The following KCNH5 variants were observed in gnomAD, a reference collection of about 807,000 sequenced individuals.
The protein encoded by KCNH5 is voltage-gated delayed rectifier potassium channel KCNH5.
KCNH5 carries 46 observed loss-of-function variants against 96.1 expected under a neutral mutation model. That is an observed-to-expected ratio of 0.48 (90% confidence interval 0.38 to 0.61). The LOEUF (loss-of-function observed/expected upper bound fraction) is 0.61, where lower values mean the gene tolerates loss of function less well. KCNH5 is among the 20% of genes least tolerant of loss of function. The pLI is 0.00. For missense variants in KCNH5, 907 were observed against 1,225.8 expected, an observed-to-expected ratio of 0.74 and a Z score of 3.88; for synonymous variants, 439 against 449.8, an observed-to-expected ratio of 0.98 and a Z score of 0.30.
intron 9 of KCNH5, among the ~76,000 whole-genome samples, chr14:62,791,218 T>C (rs1464248203): frequency 6.6e-6 from 1 of 151,718 alleles, no homozygotes; most frequent in African/African-American, 2.4e-5. Flanking sequence ...TGGAAGTAAA[T>C]ACACAGTCAA....
intron 7 of KCNH5, among the ~76,000 whole-genome samples, chr14:62,882,421 A>C (rs1888512586): frequency 6.6e-6 from 1 of 152,192 alleles, no homozygotes; most frequent in Non-Finnish European, 1.5e-5. Flanking sequence ...CAAGACATGC[A>C]CAACCATGGG....
chr14:63,037,142 A>T (rs1891736175), intron 1 of KCNH5, among the ~76,000 whole-genome samples: 2 of 152,182 alleles, frequency 1.3e-5, no homozygotes, highest in Admixed American at 1.3e-4. Context: ...CCGTACTTAC[A>T]TGTACTGCCT....
chr14:62,960,176 T>C (rs541311174), intron 6 of KCNH5, among the ~76,000 whole-genome samples: 1 of 152,300 alleles, frequency 6.6e-6, no homozygotes, highest in South Asian at 2.1e-4. Flanking sequence ...TTCTTGCCCA[T>C]TCCTCAGCCT....
intron 8 of KCNH5, among the ~76,000 whole-genome samples, chr14:62,838,441 C>A (rs243145): frequency 2.6e-5 from 4 of 151,886 alleles, no homozygotes; most frequent in South Asian, 2.1e-4. Context: ...CCATCATGCC[C>A]CATCTAAGCA....
intron 7 of KCNH5, among the ~76,000 whole-genome samples, chr14:62,899,866 T>A (rs1177669416): frequency 3.3e-5 from 5 of 152,190 alleles, no homozygotes; most frequent in Non-Finnish European, 7.3e-5. Context: ...TAAAAAAATT[T>A]TTAATTCTTG....
chr14:62,830,357 G>A (rs117239869), intron 8 of KCNH5, among the ~76,000 whole-genome samples: 4,296 of 152,196 alleles, frequency 0.028, 95 homozygotes, highest in South Asian at 0.057. Flanking sequence ...TCACTCTTCT[G>A]GTATCAGTTT....
chr14:62,997,414 A>G (rs920019807), intron 4 of KCNH5, among the ~76,000 whole-genome samples: 2 of 152,196 alleles, frequency 1.3e-5, no homozygotes, highest in Non-Finnish European at 2.9e-5. Context: ...AGTTTTTATC[A>G]TGAACAAGTG....
intron 8 of KCNH5, among the ~76,000 whole-genome samples, chr14:62,818,103 T>TGGG (rs71120236): frequency 4.5e-4 from 18 of 39,910 alleles, no homozygotes; most frequent in Non-Finnish European, 6.1e-4. Flanking sequence ...TACCAGGAGC[T>TGGG]GGGGGCGGGG....
intron 7 of KCNH5, among the ~76,000 whole-genome samples, chr14:62,888,444 T>A (rs565293466): frequency 3.3e-5 from 5 of 152,314 alleles, no homozygotes; most frequent in African/African-American, 1.2e-4. Flanking sequence ...CTCAGATAGA[T>A]GATTTGTGAG....
At chr14:62,876,423 A>G (rs1383738472) in intron 7 of KCNH5, among the ~76,000 whole-genome samples, 2 of 152,242 alleles carry the variant, frequency 1.3e-5, no homozygotes, top group Non-Finnish European at 2.9e-5. Flanking sequence ...TTTACATGGA[A>G]AGGATATGAT....
At chr14:63,038,001 G>A (rs191391652) in intron 1 of KCNH5, among the ~76,000 whole-genome samples, 7 of 152,218 alleles carry the variant, frequency 4.6e-5, no homozygotes, top group East Asian at 3.9e-4. Flanking sequence ...TATTTCAGCC[G>A]CACCTCAATT....
intron 9 of KCNH5, among the ~76,000 whole-genome samples, chr14:62,787,951 T>C (rs2139984971): frequency 6.6e-6 from 1 of 152,340 alleles, no homozygotes; most frequent in South Asian, 2.1e-4. Context: ...GAATGCTGTT[T>C]TCATGCCGGC....
At chr14:62,757,916 T>TG (rs1214239448) in intron 10 of KCNH5, among the ~76,000 whole-genome samples, 1 of 152,030 alleles carries the variant, frequency 6.6e-6, no homozygotes, top group Non-Finnish European at 1.5e-5. Context: ...GAGGCTACGG[T>TG]GGGTGGATCA....
chr14:62,807,786 A>G (rs1886797339), intron 8 of KCNH5, among the ~76,000 whole-genome samples: 3 of 152,166 alleles, frequency 2.0e-5, no homozygotes, highest in African/African-American at 7.2e-5. Context: ...CAAGTCAGAA[A>G]GTCCAAGAAT....
At chr14:62,895,727 T>C (rs975986900) in intron 7 of KCNH5, among the ~76,000 whole-genome samples, 12 of 152,250 alleles carry the variant, frequency 7.9e-5, no homozygotes, top group Admixed American at 7.8e-4. Flanking sequence ...AAGGAGACAT[T>C]GAAAGTTAAC....
chr14:62,775,771 A>G lies in KCNH5; in HGVS notation c.2019+3957T>C, dbSNP rs975762735. On this transcript the variant is annotated intron_variant, in intron 10 of 10. Coordinates refer to ENST00000322893, the MANE Select transcript of KCNH5 (RefSeq NM_139318.5). ...CTTCTTCCAGTCCTCTTTTTTCAACAATTAACACACTTAAGGCCCCTGGGC... is the reference window on the plus strand; with the variant it reads ...CTTCTTCCAGTCCTCTTTTTTCAACGATTAACACACTTAAGGCCCCTGGGC... 1.2e-4 allele frequency among the ~76,000 whole-genome samples: 19 copies of G among 152,174 alleles called. 1 individual carries two copies. Among genetic ancestry groups the G allele is most frequent in the Admixed American group, 2.6e-4 (4 of 15,286 alleles).
chr14:62,771,496 G>T (rs1052185313), intron 10 of KCNH5, among the ~76,000 whole-genome samples: 1 of 152,026 alleles, frequency 6.6e-6, no homozygotes, highest in Non-Finnish European at 1.5e-5. Flanking sequence ...ATGGTGGCAG[G>T]CGCCTGTAGT....
At chr14:63,025,904 C>CA in intron 1 of KCNH5, among the ~76,000 whole-genome samples, 1 of 151,410 alleles carries the variant, frequency 6.6e-6, no homozygotes, top group South Asian at 2.1e-4. Context: ...CCCCAATAGC[C>CA]AAAGTAATTT....
intron 7 of KCNH5, among the ~76,000 whole-genome samples, chr14:62,887,683 T>C (rs888617654): frequency 6.6e-6 from 1 of 152,070 alleles, no homozygotes; most frequent in Non-Finnish European, 1.5e-5. Flanking sequence ...AGAGAATACA[T>C]GTATGAGGTG....
Sources: gnomAD v4.1 joint callset for allele counts (sites outside exome capture counted in the v4.1 genomes callset) on GRCh38, gnomAD v4.1.1 for gene constraint, MANE v1.5 for transcripts, NCBI Gene and HGNC (gene_info 2026-07-23, HGNC 2026-07-21) for gene names.